FCRL1: variants seen among roughly 807,000 people sequenced by gnomAD.
FCRL1 encodes Fc receptor-like protein 1.
Under a neutral mutation model 49.2 loss-of-function variants are expected in FCRL1, and 34 were observed. The ratio of observed to expected loss-of-function variants is 0.69; its 90% CI spans 0.53 to 0.92. The LOEUF (loss-of-function observed/expected upper bound fraction) is 0.92, where lower values mean the gene tolerates loss of function less well. Among genes scored for constraint, FCRL1 ranks in the 40% least tolerant of loss-of-function variants. The pLI is 0.00. For missense variants in FCRL1, 524 were observed against 524.1 expected, an observed-to-expected ratio of 1.00 and a Z score of 0.00; for synonymous variants, 218 against 201.6, an observed-to-expected ratio of 1.08 and a Z score of -0.69.
intron 1 of FCRL1, among the ~76,000 whole-genome samples, chr1:157,816,846 T>C (rs548026387): frequency 1.3e-5 from 2 of 151,666 alleles, no homozygotes; most frequent in African/African-American, 2.4e-5. Flanking sequence ...AAATCAGTAG[T>C]GTTTCTATAT....
rs9427315 is a variant in FCRL1, at chr1:157,801,238, T to C, written c.1003+223A>G. Among the ~76,000 whole-genome samples the C allele has an allele frequency of 0.05, 7,678 of 152,232 alleles. 257 individuals carry two copies. Among genetic ancestry groups the C allele is most frequent in the South Asian group, 0.17 (811 of 4,824 alleles). On this transcript the variant is annotated intron_variant, in intron 6 of 10. Transcript: ENST00000368176. ...AATTAAATCACAGAAGCACAAAATA[T>C]CACTCGAACCTCAACTGATAGCACA...
intron 5 of FCRL1, 28 bp downstream of exon 5, chr1:157,801,887 C>A: frequency 6.3e-7 from 1 of 1,593,034 alleles, no homozygotes; most frequent in Non-Finnish European, 8.5e-7. Context: ...AGACATTGAC[C>A]AAGACAGTTC....
chr1:157,800,338 T>A (rs1174433089), intron 6 of FCRL1, among the ~76,000 whole-genome samples: 1 of 152,192 alleles, frequency 6.6e-6, no homozygotes, highest in Non-Finnish European at 1.5e-5. Flanking sequence ...GGGACCCAAG[T>A]CTCTAAACTT....
At chr1:157,811,183 G>A (rs771312807) in intron 1 of FCRL1, among the ~76,000 whole-genome samples, 15 of 152,104 alleles carry the variant, frequency 9.9e-5, no homozygotes, top group Non-Finnish European at 1.5e-4. Flanking sequence ...TCGGCAAGAT[G>A]GCTGACTAGA....
chr1:157,818,298 T>C (rs531989314), intron 1 of FCRL1, among the ~76,000 whole-genome samples: 5 of 152,146 alleles, frequency 3.3e-5, no homozygotes, highest in Admixed American at 3.3e-4. Flanking sequence ...GCAATATACA[T>C]ACATGATGGA....
At chr1:157,800,158 C>A in intron 6 of FCRL1, 73 bp from the exon 7 acceptor site, 1 of 1,463,798 alleles carries the variant, frequency 6.8e-7, no homozygotes, top group Non-Finnish European at 9.5e-7. Flanking sequence ...TGTTTTCATA[C>A]CCCCTGCACA....
At chr1:157,797,763 T>C (rs772475205) in intron 9 of FCRL1, 105 bp downstream of exon 9, 2 of 1,598,080 alleles carry the variant, frequency 1.3e-6, no homozygotes, top group South Asian at 2.2e-5. Flanking sequence ...GCTCACAGCC[T>C]TCTGCTCTGA....
chr1:157,816,157 A>G (rs886470295), intron 1 of FCRL1, among the ~76,000 whole-genome samples: 5 of 151,934 alleles, frequency 3.3e-5, no homozygotes, highest in Admixed American at 6.6e-5. Flanking sequence ...AAAGAAAACT[A>G]CAGGCTGATA....
chr1:157,816,784 AATAGATAG>A (rs3033729), intron 1 of FCRL1, among the ~76,000 whole-genome samples: 6,285 of 147,452 alleles, frequency 0.043, 247 homozygotes, highest in African/African-American at 0.11. Context: ...GTTGCTGGAT[AATAGATAG>A]ATAGATAGAT....
chr1:157,815,097 C>A (rs1178515587), intron 1 of FCRL1, among the ~76,000 whole-genome samples: 1 of 151,856 alleles, frequency 6.6e-6, no homozygotes, highest in Non-Finnish European at 1.5e-5. Context: ...ACACGCTAGA[C>A]AAAATAATCC....
At chr1:157,800,895 G>A (rs970269595) in intron 6 of FCRL1, among the ~76,000 whole-genome samples, 2 of 148,818 alleles carry the variant, frequency 1.3e-5, no homozygotes, top group Non-Finnish European at 3.0e-5. Context: ...AGTTACATTC[G>A]TTTGTTTGTT....
In FCRL1 at chr1:157,802,632, G is replaced by A. The variant is rs144206423; in HGVS notation, c.352C>T (p.Gln118Ter). The A allele has an allele frequency of 5.4e-4, 866 of 1,613,744 alleles. 1 individual carries two copies. The highest frequency in any genetic ancestry group is 6.4e-4 in the Non-Finnish European group (752 of 1,179,906). ...VPVADVSLET[Q>*]PPGGQVMEGD... is the part of the protein sequence containing the mutation. ...TCCATCACCTGTCCTCCTGGGGGCT[G>A]AGTCTCCAAGCTCACATCAGCGACA... The change falls in exon 4 of 11, where the codon CAG becomes TAG. Residue 118 changes from glutamine (Q) to a stop codon, truncating the protein, a stop_gained. Transcript: ENST00000368176. LOFTEE classifies it high-confidence loss of function.
At position 157,795,486 on chromosome 1, in the gene FCRL1, T is replaced by C. The variant is rs1651339636; in HGVS notation, c.*613A>G. The C allele has an allele frequency of 6.6e-6, 1 of 152,220 alleles. No individual in the cohort carries two copies. Among genetic ancestry groups the C allele is most frequent in the Non-Finnish European group, 1.5e-5 (1 of 68,054 alleles). The allele number at this position is 152,220 out of a possible 1,614,324, so 9.4% of individuals were successfully genotyped here. On this transcript the variant is annotated 3_prime_UTR_variant, in exon 11 of 11. Coordinates refer to ENST00000368176, the MANE Select transcript of FCRL1 (RefSeq NM_052938.5). ...GCTGTAATAGATACATAATTTTGGATGTGGTATAGGTTGGCCTATATATAC... is the reference window on the plus strand; with the variant it reads ...GCTGTAATAGATACATAATTTTGGACGTGGTATAGGTTGGCCTATATATAC...
intron 7 of FCRL1, among the ~76,000 whole-genome samples, chr1:157,799,851 A>G (rs1652146095): frequency 6.6e-6 from 1 of 152,170 alleles, no homozygotes; most frequent in African/African-American, 2.4e-5. Context: ...AGGAAAAATA[A>G]TGAAAAGATT....
intron 2 of FCRL1, among the ~76,000 whole-genome samples, chr1:157,804,929 A>G (rs1571371443): frequency 1.3e-5 from 2 of 150,512 alleles, no homozygotes; most frequent in Admixed American, 1.3e-4. Flanking sequence ...ATGCGATCTC[A>G]GCTCACTGCA....
At chr1:157,809,027 A>G (rs988623256) in intron 1 of FCRL1, among the ~76,000 whole-genome samples, 1 of 152,180 alleles carries the variant, frequency 6.6e-6, no homozygotes, top group Admixed American at 6.5e-5. Flanking sequence ...GTTTGAGTTT[A>G]AGATGCCTGT....
At chr1:157,815,774 T>G (rs1654945745) in intron 1 of FCRL1, among the ~76,000 whole-genome samples, 1 of 151,794 alleles carries the variant, frequency 6.6e-6, no homozygotes, top group African/African-American at 2.4e-5. Context: ...GCATCACAAC[T>G]GACATCACAG....
At position 157,798,258 on chromosome 1, in the gene FCRL1, A is replaced by G. The variant is rs1182435067; in HGVS notation, c.1032-15T>C. Reference sequence around the variant, plus strand: ...TGGGAAGGCTCCTGCAAACACAGAGACACATGTTATTTATCTGAAATTGCA... The same window carrying G: ...TGGGAAGGCTCCTGCAAACACAGAGGCACATGTTATTTATCTGAAATTGCA... On this transcript the variant is annotated splice_polypyrimidine_tract_variant and intron_variant, in intron 7 of 10. Coordinates refer to ENST00000368176, the MANE Select transcript of FCRL1 (RefSeq NM_052938.5). 1.3e-6 allele frequency: 2 copies of G among 1,586,542 alleles called. No homozygotes were observed. Among genetic ancestry groups the G allele is most frequent in the African/African-American group, 2.7e-5 (2 of 73,698 alleles).
At chr1:157,818,179 A>G (rs376958897) in intron 1 of FCRL1, among the ~76,000 whole-genome samples, 237 of 152,314 alleles carry the variant, frequency 1.6e-3, no homozygotes, top group African/African-American at 5.4e-3. Context: ...AAATTAAAGC[A>G]GTGTGTTAAA....
Sources: allele counts gnomAD v4.1 joint callset (sites outside exome capture counted in the v4.1 genomes callset), GRCh38; gene constraint gnomAD v4.1.1; transcripts MANE v1.5; gene names NCBI Gene and HGNC (gene_info 2026-07-23, HGNC 2026-07-21).